RAB18: variants seen among roughly 807,000 people sequenced by gnomAD.
RAB18 encodes the protein RAB18, member RAS oncogene family.
RAB18 carries 10 observed loss-of-function variants against 28.5 expected under a neutral mutation model. The observed-to-expected ratio is 0.35, with a 90% CI of 0.22 to 0.60. The LOEUF (loss-of-function observed/expected upper bound fraction) is 0.60, where lower values mean the gene tolerates loss of function less well. RAB18 is among the 20% of genes least tolerant of loss of function. The probability of loss-of-function intolerance (pLI) is 0.78; values close to 1 mark genes in which losing one functional copy is unlikely to be tolerated. For synonymous variants in RAB18, 93 were observed against 86.9 expected, an observed-to-expected ratio of 1.07 and a Z score of -0.39; for missense variants, 188 against 244.2, an observed-to-expected ratio of 0.77 and a Z score of 1.53.
intron 2 of RAB18, 90 bp downstream of exon 2, chr10:27,510,020 C>T (rs1834295095): frequency 5.3e-6 from 5 of 936,950 alleles, no homozygotes; most frequent in Middle Eastern, 2.1e-4. Context: ...TTCCTCTCAC[C>T]ACCCCACTGC....
chr10:27,537,758 T>C (rs1472146173), intron 6 of RAB18, 118 bp from the exon 7 acceptor site: 1 of 842,884 alleles, frequency 1.2e-6, no homozygotes, highest in Non-Finnish European at 1.8e-6. Flanking sequence ...GAAAAATTGC[T>C]GATTTGGATC....
At position 27,533,987 on chromosome 10, in the gene RAB18, A is replaced by T; in HGVS notation, c.438A>T (p.Leu146Phe). The change falls in exon 6 of 7, where the codon TTA becomes TTT. Residue 146 changes from leucine to phenylalanine, a missense_variant. Coordinates refer to ENST00000356940, the MANE Select transcript of RAB18 (RefSeq NM_021252.5). ...AATTTGCACGAAAGCATTCCATGTT[A>T]TTTATAGGTAGGTGTGTGAATGAAT... ...GLKFARKHSM[L>F]FIEASAKTCD... The T allele has an allele frequency of 1.9e-6, 3 of 1,595,672 alleles. No individual in the cohort carries two copies. The highest frequency in any genetic ancestry group is 1.7e-4 in the Middle Eastern group (1 of 6,030).
At chr10:27,506,570 C>G (rs1837845002) in intron 1 of RAB18, among the ~76,000 whole-genome samples, 1 of 152,094 alleles carries the variant, frequency 6.6e-6, no homozygotes. Flanking sequence ...GATCCTCCTG[C>G]CTTGACCTCC....
At chr10:27,535,927 C>A (rs1270651135) in intron 6 of RAB18, among the ~76,000 whole-genome samples, 3 of 151,844 alleles carry the variant, frequency 2.0e-5, no homozygotes, top group African/African-American at 7.3e-5. Context: ...ACTAAAAATA[C>A]AAAAAATTCA....
At chr10:27,507,462 G>C (rs1283486371) in intron 1 of RAB18, among the ~76,000 whole-genome samples, 2 of 151,710 alleles carry the variant, frequency 1.3e-5, no homozygotes, top group African/African-American at 4.8e-5. Flanking sequence ...GTAAGGTAAA[G>C]AGTAGCAGAA....
Position 27,540,628 on chromosome 10 carries a change from A to G in RAB18, c.*2577A>G. 2.2e-6 allele frequency: 1 copy of G among 454,116 alleles called. No homozygotes were observed. The highest frequency in any genetic ancestry group is 4.4e-6 in the Non-Finnish European group (1 of 226,774). 28.1% of individuals were successfully genotyped at this position (454,116 alleles called of 1,614,324 possible). On this transcript the variant is annotated 3_prime_UTR_variant, in exon 7 of 7. Transcript: ENST00000356940. The stretch of plus-strand genomic sequence containing the variant: ...TCTTTCACCTGCTCAGAGTGGACTG[A>G]AAATCCTGACTTAGAAAAGGTACAA...
intron 1 of RAB18, among the ~76,000 whole-genome samples, chr10:27,509,492 T>C (rs1271499310): frequency 1.3e-5 from 2 of 152,206 alleles, no homozygotes; most frequent in African/African-American, 2.4e-5. Context: ...TGTTGCATTC[T>C]AAGAGACTTT....
intron 2 of RAB18, among the ~76,000 whole-genome samples, chr10:27,523,514 C>T (rs946970812): frequency 2.0e-5 from 3 of 151,620 alleles, no homozygotes; most frequent in Admixed American, 2.0e-4. Context: ...GTTTCTGTTG[C>T]TGTGTCATCA....
intron 2 of RAB18, among the ~76,000 whole-genome samples, chr10:27,518,755 CAT>C (rs1438145319): frequency 2.0e-5 from 3 of 152,034 alleles, no homozygotes; most frequent in Non-Finnish European, 4.4e-5. Flanking sequence ...TTTCTAACAG[CAT>C]ATGTTTTTTA....
chr10:27,506,386 A>G (rs1020098116), intron 1 of RAB18, among the ~76,000 whole-genome samples: 1 of 152,108 alleles, frequency 6.6e-6, no homozygotes, highest in Non-Finnish European at 1.5e-5. Flanking sequence ...CAGTGGCATG[A>G]TCATAGCTCA....
intron 2 of RAB18, among the ~76,000 whole-genome samples, chr10:27,524,595 T>C (rs1834635580): frequency 1.3e-5 from 2 of 152,292 alleles, no homozygotes; most frequent in African/African-American, 4.8e-5. Flanking sequence ...ATATTAAAAA[T>C]GCAAACACAA....
At position 27,516,032 on chromosome 10, in the gene RAB18, G is replaced by C. The variant is rs564125488; in HGVS notation, c.124+6102G>C. Among the ~76,000 whole-genome samples the C allele has an allele frequency of 3.3e-5, 5 of 152,010 alleles. No homozygotes were observed. In the South Asian group the frequency reaches 8.3e-4, roughly 25 times the overall value. ...TCCTAAGGAATGTATCTATTTTATT[G>C]TTTTGAGGATTGCTTTAATTTTTTT... On this transcript the variant is annotated intron_variant, in intron 2 of 6. Coordinates refer to ENST00000356940, the MANE Select transcript of RAB18 (RefSeq NM_021252.5).
intron 2 of RAB18, among the ~76,000 whole-genome samples, chr10:27,512,361 A>T (rs1589563337): frequency 6.6e-6 from 1 of 151,828 alleles, no homozygotes; most frequent in Non-Finnish European, 1.5e-5. Context: ...GGCTGGAGTG[A>T]AGTGGCACAA....
At chr10:27,527,678 C>T (rs1219021833) in intron 3 of RAB18, among the ~76,000 whole-genome samples, 1 of 151,752 alleles carries the variant, frequency 6.6e-6, no homozygotes, top group African/African-American at 2.4e-5. Flanking sequence ...TATAAGAAAT[C>T]ATATTAGAAC....
At position 27,526,972 on chromosome 10, in the gene RAB18, G is replaced by C. The variant is rs74127336; in HGVS notation, c.186+83G>C. ...AAATTGATTTGTGTAGTGTTCTAGA[G>C]GTGGTGAATGAACAATTTGTATTAA... On this transcript the variant is annotated intron_variant, in intron 3 of 6. Transcript: ENST00000356940. 1.6e-3 allele frequency: 2,157 copies of C among 1,363,294 alleles called. 12 individuals are homozygous for C. In the African/African-American group the frequency reaches 0.025, roughly 16 times the overall value. The allele number at this position is 1,363,294 out of a possible 1,614,324, so 84.4% of individuals were successfully genotyped here. A position where few individuals can be genotyped will look rare whatever the true frequency, so the allele number is the denominator to read the frequency against.
intron 3 of RAB18, among the ~76,000 whole-genome samples, chr10:27,528,778 T>C (rs777404796): frequency 6.6e-6 from 1 of 151,992 alleles, no homozygotes. Context: ...GAATATGAAG[T>C]CTTCACATTA....
chr10:27,538,308 T>G lies in RAB18; in HGVS notation c.*257T>G. On this transcript the variant is annotated 3_prime_UTR_variant, in exon 7 of 7. Transcript: ENST00000356940. Reference sequence around the variant, plus strand: ...TATAAGTACATTCAATTTTATGATTTACATTTATCATGTAATTTTTAAAAA... The same window carrying G: ...TATAAGTACATTCAATTTTATGATTGACATTTATCATGTAATTTTTAAAAA... 1 of 589,592 alleles carries G rather than the reference T, an allele frequency of 1.7e-6. No individual in the cohort carries two copies. The highest frequency in any genetic ancestry group is 3.2e-6 in the Non-Finnish European group (1 of 315,786). The allele number at this position is 589,592 out of a possible 1,614,324, so 36.5% of individuals were successfully genotyped here.
chr10:27,531,523 C>T (rs1834787655), intron 3 of RAB18: 2 of 1,526,896 alleles, frequency 1.3e-6, no homozygotes, highest in Admixed American at 2.0e-5. Flanking sequence ...TTTTACTTTT[C>T]TTTAGGTTAC....
chr10:27,520,709 G>A (rs1240751768), intron 2 of RAB18, among the ~76,000 whole-genome samples: 3 of 151,804 alleles, frequency 2.0e-5, no homozygotes, highest in Non-Finnish European at 4.4e-5. Context: ...CTGAGGTCAG[G>A]AGGTCGAGAT....
Sources: allele counts gnomAD v4.1 joint callset (sites outside exome capture counted in the v4.1 genomes callset), GRCh38; gene constraint gnomAD v4.1.1; transcripts MANE v1.5; gene names NCBI Gene and HGNC (gene_info 2026-07-23, HGNC 2026-07-21).